The following SAMMSON variants were observed in gnomAD, a reference collection of about 807,000 sequenced individuals.
SAMMSON encodes the protein long intergenic non-protein coding RNA 1212.
chr3:70,337,587 G>C (rs1457045282), intron 7 of SAMMSON, among the ~76,000 whole-genome samples: 1 of 151,760 alleles, frequency 6.6e-6, no homozygotes, highest in Non-Finnish European at 1.5e-5. Flanking sequence ...TCTTTATTTA[G>C]GGAGATCTTG....
chr3:70,168,249 C>T (rs1326370790), intron 4 of SAMMSON, among the ~76,000 whole-genome samples: 1 of 151,764 alleles, frequency 6.6e-6, no homozygotes, highest in African/African-American at 2.4e-5. Context: ...TACCTGCCTT[C>T]TTCTAGCTGT....
intron 4 of SAMMSON, among the ~76,000 whole-genome samples, chr3:70,191,291 A>G (rs1701130157): frequency 6.6e-6 from 1 of 152,212 alleles, no homozygotes; most frequent in Non-Finnish European, 1.5e-5. Flanking sequence ...TGGATTCTGT[A>G]TAGCTTTTGA....
Position 70,237,979 on chromosome 3 carries a change from C to CTTTTTTTTTTTTTTTTTTTTTTTTTTTTT in SAMMSON, n.508-11102_508-11101insTTTTTTTTTTTTTTTTTTTTTTTTTTTTT, listed in dbSNP as rs71672662. ...GGAAAAGAAACTAATTGAGTGGTAT[C>CTTTTTTTTTTTTTTTTTTTTTTTTTTTTT]TTTTTTTTTTTTTTTTTTTTTTTTT... On this transcript the variant is annotated intron_variant and non_coding_transcript_variant, in intron 4 of 9. Transcript: ENST00000642114. Among the ~76,000 whole-genome samples the CTTTTTTTTTTTTTTTTTTTTTTTTTTTTT allele has an allele frequency of 1.4e-4, 7 of 48,932 alleles. 1 individual carries two copies. The highest frequency in any genetic ancestry group is 4.2e-4 in the African/African-American group (4 of 9,422). 32.1% of individuals were successfully genotyped at this position (48,932 alleles called of 152,430 possible).
chr3:70,215,012 A>AT (rs1215424530), intron 4 of SAMMSON, among the ~76,000 whole-genome samples: 1 of 152,060 alleles, frequency 6.6e-6, no homozygotes, highest in Non-Finnish European at 1.5e-5. Context: ...TATACAGTCA[A>AT]TTTTTTTACT....
intron 7 of SAMMSON, among the ~76,000 whole-genome samples, chr3:70,306,381 G>A (rs878983962): frequency 1.3e-5 from 2 of 152,138 alleles, no homozygotes; most frequent in African/African-American, 4.8e-5. Context: ...AAAGTGCTGG[G>A]ATTATAGGCA....
chr3:70,271,204 G>A, intron 6 of SAMMSON, among the ~76,000 whole-genome samples: 1 of 152,108 alleles, frequency 6.6e-6, no homozygotes, highest in Non-Finnish European at 1.5e-5. Flanking sequence ...ATTATCTTGA[G>A]GATCTGTTAT....
At chr3:70,384,022 C>A (rs1703099558) in intron 9 of SAMMSON, among the ~76,000 whole-genome samples, 1 of 151,746 alleles carries the variant, frequency 6.6e-6, no homozygotes, top group Non-Finnish European at 1.5e-5. Flanking sequence ...AAATGACCAA[C>A]AAAACCATTG....
intron 7 of SAMMSON, among the ~76,000 whole-genome samples, chr3:70,315,331 G>A (rs577082783): frequency 6.3e-4 from 96 of 152,180 alleles, no homozygotes; most frequent in African/African-American, 2.3e-3. Flanking sequence ...TCTTAAGAGA[G>A]TATAGCATTC....
At chr3:70,368,319 C>T (rs1702937118) in intron 9 of SAMMSON, among the ~76,000 whole-genome samples, 1 of 151,090 alleles carries the variant, frequency 6.6e-6, no homozygotes, top group Admixed American at 6.6e-5. Context: ...AATGTTAAAC[C>T]AAATAATAGT....
chr3:70,006,067 TAATC>T (rs2066925223), intron 1 of SAMMSON, among the ~76,000 whole-genome samples: 1 of 152,314 alleles, frequency 6.6e-6, no homozygotes, highest in African/African-American at 2.4e-5. Context: ...TTTTAATAAA[TAATC>T]AAACATGCCT....
chr3:70,130,709 A>G (rs946975125), intron 4 of SAMMSON, among the ~76,000 whole-genome samples: 3 of 152,122 alleles, frequency 2.0e-5, no homozygotes, highest in African/African-American at 7.2e-5. Context: ...CCAGGTGAAC[A>G]TGTTCTAGCC....
At chr3:70,089,942 C>T (rs928426332) in intron 4 of SAMMSON, among the ~76,000 whole-genome samples, 8 of 151,992 alleles carry the variant, frequency 5.3e-5, no homozygotes, top group African/African-American at 1.9e-4. Context: ...CCCCATTTTG[C>T]TGGCCTTACT....
At chr3:70,043,562 A>G (rs1314072833) in intron 3 of SAMMSON, among the ~76,000 whole-genome samples, 1 of 152,110 alleles carries the variant, frequency 6.6e-6, no homozygotes, top group Non-Finnish European at 1.5e-5. Flanking sequence ...GTACATTTTC[A>G]GAAACCATCT....
intron 2 of SAMMSON, among the ~76,000 whole-genome samples, chr3:70,421,767 G>A (rs961631782): frequency 2.0e-5 from 3 of 152,056 alleles, no homozygotes; most frequent in Non-Finnish European, 4.4e-5. Flanking sequence ...CCTTCAGATG[G>A]TAACTTTCAA....
chr3:70,303,949 C>T (rs1248143386), intron 7 of SAMMSON, among the ~76,000 whole-genome samples: 2 of 152,172 alleles, frequency 1.3e-5, no homozygotes, highest in Non-Finnish European at 2.9e-5. Flanking sequence ...TCTCAAGGTG[C>T]TGGAATTACA....
At chr3:70,289,598 C>T (rs1189111205) in intron 6 of SAMMSON, among the ~76,000 whole-genome samples, 28 of 149,336 alleles carry the variant, frequency 1.9e-4, no homozygotes, top group African/African-American at 6.1e-4. Flanking sequence ...TGAATCTGAA[C>T]GTTGGCCTGC....
At chr3:70,263,117 G>A (rs1053550538) in intron 6 of SAMMSON, among the ~76,000 whole-genome samples, 1 of 151,938 alleles carries the variant, frequency 6.6e-6, no homozygotes, top group East Asian at 1.9e-4. Flanking sequence ...ATTTATAATA[G>A]TTGTTTTGAT....
At chr3:70,398,716 C>G (rs967701347) in intron 2 of SAMMSON, among the ~76,000 whole-genome samples, 17 of 152,188 alleles carry the variant, frequency 1.1e-4, no homozygotes, top group Admixed American at 3.3e-4. Flanking sequence ...TTGACTTTCA[C>G]TTCATCAACC....
intron 4 of SAMMSON, chr3:70,120,078 T>G (rs1348067079): frequency 6.6e-6 from 1 of 152,200 alleles, no homozygotes; most frequent in Non-Finnish European, 1.5e-5. Context: ...TTTGTCAGTG[T>G]CTTCCTTCCA....
Sources: allele counts gnomAD v4.1 joint callset (sites outside exome capture counted in the v4.1 genomes callset), GRCh38; gene constraint gnomAD v4.1.1; transcripts MANE v1.5; gene names NCBI Gene and HGNC (gene_info 2026-07-23, HGNC 2026-07-21).